Variants in SEMA6C observed in about 807,000 individuals in gnomAD.
SEMA6C encodes the protein semaphorin-6C.
Under a neutral mutation model 72.9 loss-of-function variants are expected in SEMA6C, and 37 were observed. That is an observed-to-expected ratio of 0.51 (90% confidence interval 0.39 to 0.67). SEMA6C has a LOEUF of 0.67. SEMA6C is among the 30% of genes least tolerant of loss of function. SEMA6C has a pLI of 0.00. For missense variants in SEMA6C, 1,189 were observed against 1,263.6 expected, an observed-to-expected ratio of 0.94 and a Z score of 0.89; for synonymous variants, 578 against 554.1, an observed-to-expected ratio of 1.04 and a Z score of -0.61.
In SEMA6C at chr1:151,138,723, G is replaced by A. The variant is rs1682268924; in HGVS notation, c.363C>T (p.Cys121=). The part of the protein sequence containing the change: ...CAVRGKLTDE[C]YNYIRVLVPW... The stretch of plus-strand genomic sequence containing the variant: ...GAACAAGAACACGAATATAGTTGTA[G>A]CACTCATCCTAGAGAACCCAAAATT... Residue 121 remains cysteine (C), a synonymous_variant, in exon 7 of 19, where the codon TGC becomes TGT. Coordinates refer to ENST00000368914, the MANE Select transcript of SEMA6C (RefSeq NM_030913.6). 8 of 1,613,812 alleles carry A rather than the reference G, an allele frequency of 5.0e-6. No individual in the cohort carries two copies. Among genetic ancestry groups the A allele is most frequent in the Non-Finnish European group, 5.1e-6 (6 of 1,179,722 alleles).
At chr1:151,144,606 G>A (rs115344530) in intron 1 of SEMA6C, among the ~76,000 whole-genome samples, 172 bp from the exon 2 acceptor site, 147 of 152,302 alleles carry the variant, frequency 9.7e-4, no homozygotes, top group African/African-American at 3.2e-3. Context: ...TGGTTACAAA[G>A]GTGCTGGTGG....
rs370150679 is a variant in SEMA6C at position 151,138,726 on chromosome 1, C to T, written c.360G>A (p.Glu120=). 13 of 1,613,684 alleles carry T rather than the reference C, an allele frequency of 8.1e-6. No homozygotes were observed. Among genetic ancestry groups the T allele is most frequent in the Non-Finnish European group, 1.1e-5 (13 of 1,179,698 alleles). Residue 120 remains glutamate (E), a synonymous_variant, in exon 7 of 19, where the codon GAG becomes GAA. Coordinates refer to ENST00000368914, the MANE Select transcript of SEMA6C (RefSeq NM_030913.6). ...CAAGAACACGAATATAGTTGTAGCA[C>T]TCATCCTAGAGAACCCAAAATTCTA... ...NCAVRGKLTD[E]CYNYIRVLVP...
Position 151,133,927 on chromosome 1 carries a change from T to A in SEMA6C, c.1760-410A>T. ...GCTCCGAGAATCAGCAGCCCCACAC[T>A]TCACTCCTATCTCTCCCAAGTAGCC... On this transcript the variant is annotated intron_variant, in intron 18 of 18. Coordinates refer to ENST00000368914, the MANE Select transcript of SEMA6C (RefSeq NM_030913.6). The surrounding 1 kb of genome is among the most constrained non-coding windows in gnomAD (Gnocchi z 5.9). 6.7e-7 allele frequency: 1 copy of A among 1,487,926 alleles called. No individual in the cohort carries two copies. The highest frequency in any genetic ancestry group is 9.1e-7 in the Non-Finnish European group (1 of 1,092,920). The allele number at this position is 1,487,926 out of a possible 1,614,324, so 92.2% of individuals were successfully genotyped here. A position where few individuals can be genotyped will look rare whatever the true frequency, so the allele number is the denominator to read the frequency against.
At chr1:151,134,570 C>CA in intron 17 of SEMA6C, 50 bp downstream of exon 17, 1 of 1,608,322 alleles carries the variant, frequency 6.2e-7, no homozygotes, top group Non-Finnish European at 8.5e-7. Context: ...CTGTGGCCAT[C>CA]ATGGCCATGT....
chr1:151,134,913 C>G (rs1456404997), intron 15 of SEMA6C, 38 bp from the exon 16 acceptor site: 3 of 1,572,048 alleles, frequency 1.9e-6, no homozygotes, highest in Admixed American at 3.3e-5. Flanking sequence ...GGATCCCTTT[C>G]TACTCCAGTC....
rs587712939 is a variant in SEMA6C, at chr1:151,146,180, G to C, written c.-105+253C>G. 1 of 152,376 alleles carries C rather than the reference G, an allele frequency of 6.6e-6. No homozygotes were observed. Among genetic ancestry groups the C allele is most frequent in the East Asian group, 1.9e-4 (1 of 5,172 alleles). The allele number at this position is 152,376 out of a possible 1,614,324, so 9.4% of individuals were successfully genotyped here. On this transcript the variant is annotated intron_variant, in intron 1 of 18. Transcript: ENST00000368914. The surrounding 1 kb of genome is among the most constrained non-coding windows in gnomAD (Gnocchi z 4.6). Reference sequence around the variant, plus strand: ...CCTTTTCGCGCTTCCCAGTCCAGCGGGATGCGACTCGACGAAAGCCCAATT... The same window carrying C: ...CCTTTTCGCGCTTCCCAGTCCAGCGCGATGCGACTCGACGAAAGCCCAATT...
rs780391249 is a variant in SEMA6C, at chr1:151,142,682, G to T, written c.-54-7C>A. 7 of 1,421,198 alleles carry T rather than the reference G, an allele frequency of 4.9e-6. No individual in the cohort carries two copies. The highest frequency in any genetic ancestry group is 1.5e-5 in the South Asian group (1 of 67,708). The allele number at this position is 1,421,198 out of a possible 1,614,324, so 88.0% of individuals were successfully genotyped here. ...CCTCACCCATAAGCCGGCCCTGAAA[G>T]GGGAGACAGGGAAAAGTGGGGGAGG... On this transcript the variant is annotated splice_polypyrimidine_tract_variant and splice_region_variant and intron_variant, in intron 2 of 18. Coordinates refer to ENST00000368914, the MANE Select transcript of SEMA6C (RefSeq NM_030913.6).
Position 151,133,631 on chromosome 1 carries a change from C to T in SEMA6C, c.1760-114G>A. ...GACATCATCGTCCCTCCCGCTGCTA[C>T]TCAGCCTCACTCCTACAGCCTCCAC... is the stretch of plus-strand genomic sequence containing the variant. On this transcript the variant is annotated intron_variant, in intron 18 of 18. Coordinates refer to ENST00000368914, the MANE Select transcript of SEMA6C (RefSeq NM_030913.6). This position sits in a 1 kb window ranked among gnomAD's most constrained non-coding sequence, Gnocchi z 5.9. 3.5e-6 allele frequency: 5 copies of T among 1,418,850 alleles called. No homozygotes were observed. Among genetic ancestry groups the T allele is most frequent in the Non-Finnish European group, 4.6e-6 (5 of 1,084,804 alleles). 87.9% of individuals were successfully genotyped at this position (1,418,850 alleles called of 1,614,324 possible).
At chr1:151,140,844 C>T (rs1279978307) in intron 3 of SEMA6C, among the ~76,000 whole-genome samples, 1 of 151,780 alleles carries the variant, frequency 6.6e-6, no homozygotes, top group Non-Finnish European at 1.5e-5. Flanking sequence ...AATACAAAAA[C>T]AAAATTAGCC....
At chr1:151,143,973 C>T (rs1682758075) in intron 2 of SEMA6C, among the ~76,000 whole-genome samples, 1 of 152,210 alleles carries the variant, frequency 6.6e-6, no homozygotes, top group East Asian at 1.9e-4. Context: ...TGTCCCCCCA[C>T]CCCCAATCCA....
In SEMA6C at chr1:151,132,717, A is replaced by G. The variant is rs1336611890; in HGVS notation, c.2560T>C (p.Phe854Leu). The G allele has an allele frequency of 8.8e-6, 13 of 1,485,288 alleles. No homozygotes were observed. The highest frequency in any genetic ancestry group is 1.2e-5 in the Non-Finnish European group (13 of 1,116,704). The allele number at this position is 1,485,288 out of a possible 1,614,324, so 92.0% of individuals were successfully genotyped here. A position where few individuals can be genotyped will look rare whatever the true frequency, so the allele number is the denominator to read the frequency against. Residue 854 changes from phenylalanine to leucine, a missense_variant, in exon 19 of 19, where the codon TTC (phenylalanine) becomes CTC (leucine). This residue lies in a region of SEMA6C where 721 missense variants were observed against 686.2 expected (regional missense o/e 1.05). Coordinates refer to ENST00000368914, the MANE Select transcript of SEMA6C (RefSeq NM_030913.6). The part of the protein sequence containing the change: ...LGVGGGRRLP[F>L]SGHRAPPALL... ...GCAGGGGGGGCCCGGTGGCCGGAGA[A>G]AGGCAACCTCCGGCCTCCGCCGACG...
chr1:151,133,009 G>A lies in SEMA6C; in HGVS notation c.2268C>T (p.Gly756=). The part of the protein sequence containing the change: ...PRVLVRPPPP[G]CPGQAVEVTT... ...TGACTTCCACGGCCTGCCCGGGACA[G>A]CCGGGCGGCGGTGGCCTCACCAGCA... The change falls in exon 19 of 19, where the codon GGC becomes GGT. Residue 756 remains glycine (G), a synonymous_variant. Transcript: ENST00000368914. The surrounding 1 kb of genome is among the most constrained non-coding windows in gnomAD (Gnocchi z 5.9). The A allele has an allele frequency of 1.4e-6, 2 of 1,406,694 alleles. No individual in the cohort carries two copies. Among genetic ancestry groups the A allele is most frequent in the Non-Finnish European group, 1.9e-6 (2 of 1,077,938 alleles). 87.1% of individuals were successfully genotyped at this position (1,406,694 alleles called of 1,614,324 possible). A position where few individuals can be genotyped will look rare whatever the true frequency, so the allele number is the denominator to read the frequency against.
chr1:151,134,547 C>G, intron 17 of SEMA6C, 73 bp downstream of exon 17: 1 of 1,606,424 alleles, frequency 6.2e-7, no homozygotes, highest in South Asian at 1.1e-5. Flanking sequence ...AAAGGCCAAG[C>G]CTGGGATGGT....
chr1:151,133,234 G>A lies in SEMA6C; in HGVS notation c.2043C>T (p.Thr681=). Reference sequence around the variant, plus strand: ...CGCCCTCCGGAGGCGGCAGGAAGGTGGTGTAGAGCTGCGGCGTCTGCACCG... The same window carrying A: ...CGCCCTCCGGAGGCGGCAGGAAGGTAGTGTAGAGCTGCGGCGTCTGCACCG... The part of the protein sequence containing the change: ...GDAVQTPQLY[T]TFLPPPEGVP... The change falls in exon 19 of 19, where the codon ACC becomes ACT. Residue 681 remains threonine (T), a synonymous_variant. Transcript: ENST00000368914. The surrounding 1 kb of genome is among the most constrained non-coding windows in gnomAD (Gnocchi z 5.9). The A allele has an allele frequency of 1.3e-6, 2 of 1,581,934 alleles. No homozygotes were observed. The highest frequency in any genetic ancestry group is 1.7e-6 in the Non-Finnish European group (2 of 1,170,170).
chr1:151,134,801 C>G lies in SEMA6C; in HGVS notation c.1655G>C (p.Gly552Ala), dbSNP rs149398166. ...AACCCAAGGACCCATCACTTACCCA[C>G]CAGATCCCCTGATATCCACACAGCC... ...SRGCVDIRGS[G>A]GTDVDQAGNQ... Residue 552 changes from glycine to alanine, a missense_variant, in exon 16 of 19, where the codon GGT becomes GCT. Gly to Ala is a moderately conservative substitution (Grantham distance 60). Transcript: ENST00000368914. The G allele has an allele frequency of 1.2e-5, 19 of 1,613,972 alleles. No individual in the cohort carries two copies. The East Asian group carries it at 4.2e-4, about 36-fold the overall frequency.
chr1:151,137,076 TA>T lies in SEMA6C; in HGVS notation c.757-3del. 1 of 1,612,556 alleles carries T rather than the reference TA, an allele frequency of 6.2e-7. No homozygotes were observed. Among genetic ancestry groups the T allele is most frequent in the Non-Finnish European group, 8.5e-7 (1 of 1,179,694 alleles). ...TCGGGCTACGCGGGAGAACTGCACCTAGGGGAGGAGAGTGGAGTAGACAATG... is the reference window on the plus strand; with the variant it reads ...TCGGGCTACGCGGGAGAACTGCACCTGGGGAGGAGAGTGGAGTAGACAATG... On this transcript the variant is annotated splice_polypyrimidine_tract_variant and splice_region_variant and intron_variant, in intron 10 of 18. Transcript: ENST00000368914.
rs757694361 is a variant in SEMA6C at position 151,136,130 on chromosome 1, G to A, written c.1140C>T (p.Ala380=). ...GGAGGTCTCGGGAAGAGGAGAACAA[G>A]GCAGCTCCCCCTACTCCTGCACAGG... ...PGSCAGVGGA[A]LFSSSRDLPD... Residue 380 remains alanine (A), a synonymous_variant, in exon 13 of 19, where the codon GCC becomes GCT. Transcript: ENST00000368914. 8 of 1,614,040 alleles carry A rather than the reference G, an allele frequency of 5.0e-6. No homozygotes were observed. Among genetic ancestry groups the A allele is most frequent in the African/African-American group, 2.7e-5 (2 of 75,022 alleles).
Position 151,136,860 on chromosome 1 carries a change from T to C in SEMA6C, c.971A>G (p.Asn324Ser). ...ALFGVFTTQT[N>S]SIPGSAVCAF... is the part of the protein sequence containing the mutation. ...CACTAGTCAGCCTAGTACCAACCTATTGGTCTGGGTGGTGAAGACCCCAAA... is the reference window on the plus strand; with the variant it reads ...CACTAGTCAGCCTAGTACCAACCTACTGGTCTGGGTGGTGAAGACCCCAAA... Residue 324 changes from asparagine (N) to serine (S), a missense_variant, in exon 11 of 19, where the codon AAT becomes AGT. By Grantham distance (46) the Asn-to-Ser change is conservative. Coordinates refer to ENST00000368914, the MANE Select transcript of SEMA6C (RefSeq NM_030913.6). 1.9e-6 allele frequency: 3 copies of C among 1,613,154 alleles called. No individual in the cohort carries two copies. The highest frequency in any genetic ancestry group is 2.5e-6 in the Non-Finnish European group (3 of 1,179,430).
At position 151,134,398 on chromosome 1, in the gene SEMA6C, C is replaced by T. The variant is rs752365165; in HGVS notation, c.1759+3G>A. ...AAGGTGAGGTTGGGACAAGAGGACT[C>T]ACCATAAGCAGAATCCCCAGGGCCA... On this transcript the variant is annotated splice_donor_region_variant and intron_variant, in intron 18 of 18. Coordinates refer to ENST00000368914, the MANE Select transcript of SEMA6C (RefSeq NM_030913.6). The T allele has an allele frequency of 1.0e-5, 16 of 1,584,514 alleles. No homozygotes were observed. The Admixed American group carries it at 2.0e-4, about 20-fold the overall frequency.
Sources: allele counts gnomAD v4.1 joint callset (sites outside exome capture counted in the v4.1 genomes callset), GRCh38; gene constraint gnomAD v4.1.1; regional missense constraint gnomAD v4.1.1; non-coding constraint Gnocchi (gnomAD v3.1); transcripts MANE v1.5; gene names NCBI Gene and HGNC (gene_info 2026-07-23, HGNC 2026-07-21).